UTRN: variants seen among roughly 807,000 people sequenced by gnomAD.
UTRN encodes utrophin, also known as dystrophin-related protein 1.
Under a neutral mutation model 463.9 loss-of-function variants are expected in UTRN, and 283 were observed. The ratio of observed to expected loss-of-function variants is 0.61; its 90% CI spans 0.55 to 0.67. The LOEUF (loss-of-function observed/expected upper bound fraction) is 0.67, where lower values mean the gene tolerates loss of function less well. Ranked by LOEUF, UTRN falls within the 30% of genes least tolerant of loss-of-function variation. The probability of loss-of-function intolerance (pLI) is 0.00; values close to 1 mark genes in which losing one functional copy is unlikely to be tolerated. For missense variants in UTRN, 3,922 were observed against 4,084.3 expected (o/e 0.96, Z 1.08); for synonymous variants, 1,442 against 1,431.5 (o/e 1.01, Z -0.17).
rs960422041 is a variant in UTRN at position 144,462,854 on chromosome 6, C to T, written c.3054C>T (p.Leu1018=). The T allele has an allele frequency of 6.2e-7, 1 of 1,603,572 alleles. No individual in the cohort carries two copies. Among genetic ancestry groups the T allele is most frequent in the Non-Finnish European group, 8.5e-7 (1 of 1,177,900 alleles). The change falls in exon 23 of 75, where the codon CTC becomes CTT. Residue 1018 remains leucine, a synonymous_variant. Transcript: ENST00000367545. ...LHLLEEIALT[L]RAFEADSTVI... is the part of the protein sequence containing the mutation. ...TGCTTGAGGAAATTGCTCTCACACT[C>T]AGAGCTTTTGAGGTAAATCCAGAGG...
chr6:144,708,451 G>T, intron 53 of UTRN: 1 of 616,100 alleles, frequency 1.6e-6, no homozygotes, highest in South Asian at 1.7e-5. Context: ...TGACTCCTCG[G>T]GCCTCTGACT....
At chr6:144,553,287 C>T (rs1328238635) in intron 48 of UTRN, among the ~76,000 whole-genome samples, 3 of 152,170 alleles carry the variant, frequency 2.0e-5, no homozygotes, top group African/African-American at 4.8e-5. Flanking sequence ...ATCCACCTGC[C>T]TCGGCCTCCC....
rs11397588 is a variant in UTRN at position 144,819,911 on chromosome 6, C to CCTCCTCCTCTCTCT, written c.9358-968_9358-967insCTCCTCTCTCTCTC. ...TCCTCCTCCTCCTCCTCCTCCTCCT[C>CCTCCTCCTCTCTCT]CTCTCTCTCTCTCTCTCTCTCTTTC... On this transcript the variant is annotated intron_variant, in intron 65 of 74. Transcript: ENST00000367545. 7.3e-4 allele frequency among the ~76,000 whole-genome samples: 86 copies of CCTCCTCCTCTCTCT among 118,590 alleles called. 1 individual carries two copies. The highest frequency in any genetic ancestry group is 2.9e-3 in the African/African-American group (75 of 26,108). 77.8% of individuals were successfully genotyped at this position (118,590 alleles called of 152,430 possible).
chr6:144,757,866 T>C, intron 57 of UTRN, 63 bp from the exon 58 acceptor site: 2 of 1,441,294 alleles, frequency 1.4e-6, no homozygotes, highest in South Asian at 2.6e-5. Context: ...TCAGTTGTTT[T>C]GCATTAAGGT....
chr6:144,420,584 A>T (rs1481891383), intron 3 of UTRN, among the ~76,000 whole-genome samples: 1 of 152,250 alleles, frequency 6.6e-6, no homozygotes, highest in Non-Finnish European at 1.5e-5. Context: ...GCTATTTATC[A>T]GGAAAAAGAG....
At chr6:144,462,113 G>A (rs980423557) in intron 22 of UTRN, among the ~76,000 whole-genome samples, 17 of 151,894 alleles carry the variant, frequency 1.1e-4, no homozygotes, top group African/African-American at 3.1e-4. Context: ...CCATGTGTCC[G>A]TATGTTCTCA....
At chr6:144,422,943 T>C (rs1384390995) in intron 4 of UTRN, among the ~76,000 whole-genome samples, 1 of 152,136 alleles carries the variant, frequency 6.6e-6, no homozygotes, top group Non-Finnish European at 1.5e-5. Context: ...CTCTCTCAGA[T>C]AAGGTTCTGG....
intron 72 of UTRN, among the ~76,000 whole-genome samples, chr6:144,840,536 G>A (rs141476262): frequency 1.2e-4 from 18 of 152,246 alleles, no homozygotes; most frequent in Admixed American, 1.3e-4. Context: ...CAGCTAGTAC[G>A]TGTCAATTAT....
intron 43 of UTRN, among the ~76,000 whole-genome samples, chr6:144,536,059 C>T (rs1285575798): frequency 1.1e-4 from 17 of 152,256 alleles, no homozygotes; most frequent in Non-Finnish European, 2.5e-4. Flanking sequence ...GGATTACAGC[C>T]GTGAGCCACC....
Position 144,554,686 on chromosome 6 carries a change from A to G in UTRN, c.6929-2A>G. On this transcript the variant is annotated splice_acceptor_variant, in intron 48 of 74. Transcript: ENST00000367545. LOFTEE classifies it high-confidence loss of function. ...TTTTTTCTTTTATAATGCTACCCTC[A>G]GTGGAAAGGGTCAAGAACCAGTGGG... is the stretch of plus-strand genomic sequence containing the variant. 6.2e-7 allele frequency: 1 copy of G among 1,613,642 alleles called. No homozygotes were observed. The highest frequency in any genetic ancestry group is 8.5e-7 in the Non-Finnish European group (1 of 1,179,856).
intron 37 of UTRN, among the ~76,000 whole-genome samples, 167 bp downstream of exon 37, chr6:144,514,987 C>T (rs997792209): frequency 5.3e-5 from 8 of 152,156 alleles, no homozygotes; most frequent in East Asian, 3.8e-4. Flanking sequence ...CTGCAACCTC[C>T]GCCTTCTGGG....
chr6:144,656,063 A>G (rs374789171), intron 51 of UTRN, among the ~76,000 whole-genome samples: 4 of 152,070 alleles, frequency 2.6e-5, no homozygotes, highest in Admixed American at 6.6e-5. Flanking sequence ...ATGAAACTCT[A>G]TGTCTATGTT....
rs911148198 is a variant in UTRN at position 144,700,563 on chromosome 6, TTTTG to T, written c.7809+340_7809+343del. Among the ~76,000 whole-genome samples the T allele has an allele frequency of 1.4e-3, 207 of 151,804 alleles. 2 individuals carry two copies. The Middle Eastern group carries it at 0.034, about 25-fold the overall frequency. ...ATTGAGGTTTTGGGTTTTTTTTGTT[TTTTG>T]TTTGTTTGTTTGTTTGTTTTACCAA... On this transcript the variant is annotated intron_variant, in intron 53 of 74. Coordinates refer to ENST00000367545, the MANE Select transcript of UTRN (RefSeq NM_007124.3).
At chr6:144,821,398 A>C (rs1162624478) in intron 66 of UTRN, among the ~76,000 whole-genome samples, 1 of 151,776 alleles carries the variant, frequency 6.6e-6, no homozygotes, top group Non-Finnish European at 1.5e-5. Flanking sequence ...TATTTCTCAG[A>C]GTATGTTTTA....
intron 2 of UTRN, among the ~76,000 whole-genome samples, chr6:144,348,921 C>T (rs1463162268): frequency 6.6e-6 from 1 of 150,758 alleles, no homozygotes; most frequent in Non-Finnish European, 1.5e-5. Flanking sequence ...GCAACAAGAG[C>T]GAAACTCCAT....
At position 144,389,090 on chromosome 6, in the gene UTRN, T is replaced by C. The variant is rs1781675468; in HGVS notation, c.80-14033T>C. On this transcript the variant is annotated intron_variant, in intron 2 of 74. Transcript: ENST00000367545. ...TCAGAGCACAGTTTGGTTTTATACA[T>C]TTTAGGGAGACATGAGACATCAATC... 3.9e-5 allele frequency among the ~76,000 whole-genome samples: 6 copies of C among 152,186 alleles called. No individual in the cohort carries two copies. The South Asian group carries it at 1.2e-3, about 31-fold the overall frequency.
intron 33 of UTRN, among the ~76,000 whole-genome samples, chr6:144,496,137 G>A (rs1237146714): frequency 6.6e-6 from 1 of 152,176 alleles, no homozygotes; most frequent in Admixed American, 6.5e-5. Context: ...AACCAGGAGA[G>A]CAAAGAATGT....
At chr6:144,666,675 T>C (rs143574126) in intron 51 of UTRN, among the ~76,000 whole-genome samples, 12 of 152,368 alleles carry the variant, frequency 7.9e-5, no homozygotes, top group African/African-American at 2.9e-4. Flanking sequence ...TCCTTTTCTT[T>C]GATCACTTGT....
At position 144,714,085 on chromosome 6, in the gene UTRN, A is replaced by G. The variant is rs191226811; in HGVS notation, c.7809+13842A>G. On this transcript the variant is annotated intron_variant, in intron 53 of 74. Transcript: ENST00000367545. ...AATGAATTTTGTATATTAACTGCTC[A>G]TTGAGGGATGTTAACCAAAACTTTC... is the stretch of plus-strand genomic sequence containing the variant. Among the ~76,000 whole-genome samples the G allele has an allele frequency of 4.1e-3, 627 of 152,294 alleles. 3 individuals carry two copies. Among genetic ancestry groups the G allele is most frequent in the African/African-American group, 0.014 (587 of 41,572 alleles).
Sources: allele counts gnomAD v4.1 joint callset (sites outside exome capture counted in the v4.1 genomes callset), GRCh38; gene constraint gnomAD v4.1.1; transcripts MANE v1.5; gene names NCBI Gene and HGNC (gene_info 2026-07-23, HGNC 2026-07-21).